The following CSNK2A2IP variants were observed in gnomAD, a reference collection of about 807,000 sequenced individuals.
CSNK2A2IP encodes the protein casein kinase II subunit alpha'-interacting protein.
the CSNK2A2IP span, among the ~76,000 whole-genome samples, chr3:88,435,192 T>C: frequency 1.3e-5 from 2 of 152,192 alleles, no homozygotes; most frequent in African/African-American, 2.4e-5. Context: ...TGTTGAAGTA[T>C]CCATTCTTCC....
the CSNK2A2IP span, among the ~76,000 whole-genome samples, chr3:88,353,818 T>C: frequency 6.6e-6 from 1 of 152,212 alleles, no homozygotes; most frequent in East Asian, 1.9e-4. Flanking sequence ...AGTTGAAATC[T>C]TGACTTTTGT....
the CSNK2A2IP span, among the ~76,000 whole-genome samples, chr3:88,342,721 A>G: frequency 1.4e-5 from 2 of 142,934 alleles, no homozygotes; most frequent in Non-Finnish European, 3.2e-5. Flanking sequence ...AAAAAAAAAA[A>G]CCCAAAATGC....
chr3:88,455,853 C>T, the CSNK2A2IP span, among the ~76,000 whole-genome samples: 1,542 of 151,560 alleles, frequency 0.01, 12 homozygotes, highest in African/African-American at 0.012. Flanking sequence ...GTCTTTAATC[C>T]ATTATGAATT....
At chr3:88,460,006 A>G in the CSNK2A2IP span, among the ~76,000 whole-genome samples, 7 of 152,160 alleles carry the variant, frequency 4.6e-5, no homozygotes, top group African/African-American at 1.7e-4. Context: ...ATCATGTTTT[A>G]ATGTCTGAAT....
chr3:88,410,209 G>C, the CSNK2A2IP span, among the ~76,000 whole-genome samples: 1 of 152,138 alleles, frequency 6.6e-6, no homozygotes, highest in Non-Finnish European at 1.5e-5. Context: ...AAAACTACAT[G>C]GGGCGATAAC....
At chr3:88,376,580 T>C in the CSNK2A2IP span, among the ~76,000 whole-genome samples, 1 of 151,846 alleles carries the variant, frequency 6.6e-6, no homozygotes, top group Non-Finnish European at 1.5e-5. Flanking sequence ...TGAATTATAT[T>C]CTATCTTAGT....
At chr3:88,345,970 G>C in the CSNK2A2IP span, among the ~76,000 whole-genome samples, 3 of 151,400 alleles carry the variant, frequency 2.0e-5, no homozygotes, top group Non-Finnish European at 4.4e-5. Context: ...TTCTTGAAGG[G>C]AATTAAAAGT....
At chr3:88,381,251 T>G in the CSNK2A2IP span, among the ~76,000 whole-genome samples, 2 of 152,170 alleles carry the variant, frequency 1.3e-5, no homozygotes, top group Non-Finnish European at 2.9e-5. Context: ...CATCTGTTTG[T>G]AAATAAAGAC....
the CSNK2A2IP span, among the ~76,000 whole-genome samples, chr3:88,348,820 T>C: frequency 6.6e-6 from 1 of 152,184 alleles, no homozygotes; most frequent in Non-Finnish European, 1.5e-5. Flanking sequence ...TACAAATCTG[T>C]GAAATGAGCC....
At chr3:88,463,350 T>C in the CSNK2A2IP span, among the ~76,000 whole-genome samples, 1 of 151,700 alleles carries the variant, frequency 6.6e-6, no homozygotes, top group African/African-American at 2.4e-5. Flanking sequence ...ACCCTATGAA[T>C]TGCCTTTAAG....
chr3:88,379,231 C>A, the CSNK2A2IP span, among the ~76,000 whole-genome samples: 8 of 152,002 alleles, frequency 5.3e-5, no homozygotes, highest in East Asian at 1.9e-4. Flanking sequence ...GTGGCACAGA[C>A]CTTTGTGACA....
chr3:88,432,573 G>C, the CSNK2A2IP span, among the ~76,000 whole-genome samples: 663 of 151,656 alleles, frequency 4.4e-3, 6 homozygotes, highest in African/African-American at 0.016. Flanking sequence ...TCACTTCACT[G>C]TGTATATATA....
chr3:88,383,537 G>A, the CSNK2A2IP span, among the ~76,000 whole-genome samples: 1 of 151,894 alleles, frequency 6.6e-6, no homozygotes, highest in Non-Finnish European at 1.5e-5. Flanking sequence ...ACTTTACTGT[G>A]TACTCATCAG....
chr3:88,356,771 G>A, the CSNK2A2IP span, among the ~76,000 whole-genome samples: 2 of 151,722 alleles, frequency 1.3e-5, no homozygotes, highest in Admixed American at 6.6e-5. Flanking sequence ...GTTAATTTTT[G>A]TCTTTTTGAT....
At chr3:88,413,452 A>G in the CSNK2A2IP span, among the ~76,000 whole-genome samples, 1 of 152,008 alleles carries the variant, frequency 6.6e-6, no homozygotes, top group Non-Finnish European at 1.5e-5. Context: ...ATTAAATAAT[A>G]CTATGATTGT....
the CSNK2A2IP span, among the ~76,000 whole-genome samples, chr3:88,456,993 C>T: frequency 6.6e-6 from 1 of 151,976 alleles, no homozygotes; most frequent in African/African-American, 2.4e-5. Flanking sequence ...ATATTAACAT[C>T]TAAACATCTA....
At chr3:88,349,579 T>C in the CSNK2A2IP span, among the ~76,000 whole-genome samples, 3 of 152,110 alleles carry the variant, frequency 2.0e-5, no homozygotes, top group East Asian at 5.8e-4. Flanking sequence ...CAATTGCAAA[T>C]TGAGCTGCTA....
At chr3:88,389,058 T>A in the CSNK2A2IP span, among the ~76,000 whole-genome samples, 1 of 152,092 alleles carries the variant, frequency 6.6e-6, no homozygotes, top group African/African-American at 2.4e-5. Flanking sequence ...TGCTTATATT[T>A]TACTGCGAGG....
chr3:88,407,165 C>G, the CSNK2A2IP span, among the ~76,000 whole-genome samples: 1 of 151,974 alleles, frequency 6.6e-6, no homozygotes, highest in South Asian at 2.1e-4. Context: ...TCCTCAGACT[C>G]TTTGCGGATT....
Sources: gnomAD v4.1 joint callset for allele counts (sites outside exome capture counted in the v4.1 genomes callset) on GRCh38, gnomAD v4.1.1 for gene constraint, MANE v1.5 for transcripts, NCBI Gene and HGNC (gene_info 2026-07-23, HGNC 2026-07-21) for gene names.